The following CELF3 variants were observed in gnomAD, a reference collection of about 807,000 sequenced individuals.
The protein encoded by CELF3 is CUGBP Elav-like family member 3.
In CELF3, 26 loss-of-function variants were observed where a neutral mutation model predicts 59.6. The ratio of observed to expected loss-of-function variants is 0.44; its 90% confidence interval spans 0.32 to 0.61. The LOEUF (loss-of-function observed/expected upper bound fraction) is 0.61. CELF3 is among the 20% of genes least tolerant of loss of function. The probability of loss-of-function intolerance (pLI) is 0.06; values close to 1 mark genes in which losing one functional copy is unlikely to be tolerated. For synonymous variants in CELF3, 245 were observed against 250.7 expected, an observed-to-expected ratio of 0.98 and a Z score of 0.22; for missense variants, 387 against 627.2, an observed-to-expected ratio of 0.62 and a Z score of 4.09.
intron 2 of CELF3, among the ~76,000 whole-genome samples, chr1:151,713,917 A>C (rs966209277): frequency 3.9e-5 from 6 of 152,086 alleles, no homozygotes; most frequent in African/African-American, 1.4e-4. Flanking sequence ...GAGAGGGGCC[A>C]CCTCTGAGGC....
At position 151,709,888 on chromosome 1, in the gene CELF3, C is replaced by A. The variant is rs1672873690; in HGVS notation, c.229-97G>T. ...CTGCAGAGAGACTAGAGGGGCAAGCCCCAGGCCCTCTAAGTTTCTGATGGG... is the reference window on the plus strand; with the variant it reads ...CTGCAGAGAGACTAGAGGGGCAAGCACCAGGCCCTCTAAGTTTCTGATGGG... On this transcript the variant is annotated intron_variant, in intron 2 of 12. Coordinates refer to ENST00000290583, the MANE Select transcript of CELF3 (RefSeq NM_007185.7). The surrounding 1 kb of genome is among the most constrained non-coding windows in gnomAD (Gnocchi z 4.9). 8 of 1,157,664 alleles carry A rather than the reference C, an allele frequency of 6.9e-6. No homozygotes were observed. The highest frequency in any genetic ancestry group is 1.0e-5 in the Non-Finnish European group (8 of 764,342). The allele number at this position is 1,157,664 out of a possible 1,614,324, so 71.7% of individuals were successfully genotyped here.
Position 151,707,833 on chromosome 1 carries a change from T to G in CELF3, c.589A>C (p.Ile197Leu). 1 of 1,613,888 alleles carries G rather than the reference T, an allele frequency of 6.2e-7. No individual in the cohort carries two copies. The highest frequency in any genetic ancestry group is 8.5e-7 in the Non-Finnish European group (1 of 1,179,848). Reference protein sequence around the residue: ...VATQLGMFSPIALQFGAYSAY... With the variant: ...VATQLGMFSPLALQFGAYSAY... ...CTGTAGGCTCCAAACTGGAGGGCGA[T>G]GGGGCTGAACATGCCCAACTGGGTG... is the stretch of plus-strand genomic sequence containing the variant. The change falls in exon 6 of 13, where the codon ATC becomes CTC. Residue 197 changes from isoleucine (I) to leucine (L), a missense_variant. By Grantham distance (5) the Ile-to-Leu change is conservative. Around this residue, in one of 3 missense-constraint regions of CELF3, gnomAD observed 208 missense variants for 354.8 expected, o/e 0.59. Coordinates refer to ENST00000290583, the MANE Select transcript of CELF3 (RefSeq NM_007185.7).
chr1:151,704,952 T>G lies in CELF3; in HGVS notation c.*10+79A>C. On this transcript the variant is annotated intron_variant, in intron 12 of 12. Transcript: ENST00000290583. ...CCCTGAGGGTGGTGGAGGACAGGGG[T>G]TGGGGGTGTAGTCCAATCGAGGGCC... 8 of 1,442,254 alleles carry G rather than the reference T, an allele frequency of 5.5e-6. No homozygotes were observed. The South Asian group carries it at 5.6e-5, about 10-fold the overall frequency. The allele number at this position is 1,442,254 out of a possible 1,614,324, so 89.3% of individuals were successfully genotyped here.
At chr1:151,712,692 AG>A (rs2101474600) in intron 2 of CELF3, among the ~76,000 whole-genome samples, 1 of 152,348 alleles carries the variant, frequency 6.6e-6, no homozygotes, top group South Asian at 2.1e-4. Flanking sequence ...CTATAGGCCC[AG>A]CCCCCATTCT....
Position 151,706,690 on chromosome 1 carries a change from C to T in CELF3, c.967G>A (p.Ala323Thr), listed in dbSNP as rs1033271069. Residue 323 changes from alanine to threonine, a missense_variant, in exon 9 of 13, where the codon GCG becomes ACG. Transcript: ENST00000290583. ...TCACCTGTGTAGTGCTGCATCCCCG[C>T]GTAGGCCTGCTGCAGGGGGTCCACG... ...APVDPLQQAY[A>T]GMQHYTAAYP... 5.8e-6 allele frequency: 9 copies of T among 1,551,288 alleles called. No homozygotes were observed. Among genetic ancestry groups the T allele is most frequent in the South Asian group, 4.8e-5 (4 of 84,048 alleles).
At position 151,709,534 on chromosome 1, in the gene CELF3, C is replaced by A; in HGVS notation, c.278-186G>T. ...GGGTGCTCATCCCAGCTCTGAGGGA[C>A]TCGCACTCCACCCTGGGCCTCAGTT... On this transcript the variant is annotated intron_variant, in intron 3 of 12. Transcript: ENST00000290583. This position sits in a 1 kb window ranked among gnomAD's most constrained non-coding sequence, Gnocchi z 4.9. 1.1e-6 allele frequency: 1 copy of A among 946,262 alleles called. No homozygotes were observed. The highest frequency in any genetic ancestry group is 1.5e-5 in the South Asian group (1 of 65,554). The allele number at this position is 946,262 out of a possible 1,614,324, so 58.6% of individuals were successfully genotyped here.
intron 5 of CELF3, 63 bp downstream of exon 5, chr1:151,708,935 C>A: frequency 6.8e-7 from 1 of 1,479,852 alleles, no homozygotes; most frequent in Non-Finnish European, 9.4e-7. Flanking sequence ...CTTCTCTGGG[C>A]CAGGGCCTGG....
chr1:151,710,024 T>A, intron 2 of CELF3: 1 of 557,918 alleles, frequency 1.8e-6, no homozygotes, highest in Non-Finnish European at 3.2e-6. Flanking sequence ...CAGGCTCAGG[T>A]TGGGCTCCTG....
At position 151,703,444 on chromosome 1, in the gene CELF3, C is replaced by T; in HGVS notation, c.*15G>A. The T allele has an allele frequency of 2.8e-6, 1 of 353,360 alleles. No homozygotes were observed. 21.9% of individuals were successfully genotyped at this position (353,360 alleles called of 1,614,324 possible). A position where few individuals can be genotyped will look rare whatever the true frequency, so the allele number is the denominator to read the frequency against. On this transcript the variant is annotated 3_prime_UTR_variant, in exon 13 of 13. Coordinates refer to ENST00000290583, the MANE Select transcript of CELF3 (RefSeq NM_007185.7). ...GAGGCGCCCCTTCCTCTGGGATCTCCAGACCTGTGAAGGAAGAAACATGGG... is the reference window on the plus strand; with the variant it reads ...GAGGCGCCCCTTCCTCTGGGATCTCTAGACCTGTGAAGGAAGAAACATGGG...
At position 151,700,317 on chromosome 1, in the gene CELF3, A is replaced by C. The variant is rs1033147005; in HGVS notation, c.*3142T>G. On this transcript the variant is annotated 3_prime_UTR_variant, in exon 13 of 13. Transcript: ENST00000290583. Reference sequence around the variant, plus strand: ...GATTTTCATGAAGAAAGTAGTGTTTAAGGTGAACTGTTTTAGTGTGAGAAG... The same window carrying C: ...GATTTTCATGAAGAAAGTAGTGTTTCAGGTGAACTGTTTTAGTGTGAGAAG... Among the ~76,000 whole-genome samples, 1 of 152,220 alleles carries C rather than the reference A, an allele frequency of 6.6e-6. No homozygotes were observed. The highest frequency in any genetic ancestry group is 1.9e-4 in the East Asian group (1 of 5,206).
chr1:151,709,364 C>T lies in CELF3; in HGVS notation c.278-16G>A, dbSNP rs754582459. The T allele has an allele frequency of 1.2e-6, 2 of 1,613,922 alleles. No individual in the cohort carries two copies. The highest frequency in any genetic ancestry group is 4.5e-5 in the East Asian group (2 of 44,880). ...TTCCGGTCTTCTGGGTGGTAGGGCA[C>T]AGGAGGAGGGCATGTTCAGGGCCTC... On this transcript the variant is annotated splice_polypyrimidine_tract_variant and intron_variant, in intron 3 of 12. Transcript: ENST00000290583. This position sits in a 1 kb window ranked among gnomAD's most constrained non-coding sequence, Gnocchi z 4.9.
chr1:151,710,639 T>G, intron 2 of CELF3: 2 of 456,442 alleles, frequency 4.4e-6, no homozygotes, highest in Non-Finnish European at 8.8e-6. Flanking sequence ...AGCAAATCCT[T>G]GGTGCCTGGA....
intron 1 of CELF3, 32 bp from the exon 2 acceptor site, chr1:151,714,708 G>T (rs562162637): frequency 4.1e-6 from 6 of 1,447,822 alleles, no homozygotes; most frequent in East Asian, 2.5e-5. Flanking sequence ...GAAACACGGC[G>T]GGGGGTGAGT....
rs1423682624 is a variant in CELF3 at position 151,707,212 on chromosome 1, C to T, written c.855G>A (p.Val285=). 6.5e-7 allele frequency: 1 copy of T among 1,545,040 alleles called. No individual in the cohort carries two copies. The highest frequency in any genetic ancestry group is 1.2e-5 in the South Asian group (1 of 82,322). The change falls in exon 8 of 13, where the codon GTG becomes GTA. Residue 285 remains valine, a synonymous_variant. Transcript: ENST00000290583. ...AALGVNGYSP[V]PTQPTGQPAP... ...CAGGCTGCCCAGTGGGCTGGGTGGG[C>T]ACCGGGCTGTAGCCGTTGACGCCCA... is the stretch of plus-strand genomic sequence containing the variant.
chr1:151,710,937 A>C (rs962312557), intron 2 of CELF3: 2 of 421,096 alleles, frequency 4.7e-6, no homozygotes, highest in African/African-American at 4.0e-5. Context: ...TTTGCTCTTG[A>C]GGACTCTGAC....
rs1169035675 is a variant in CELF3 at position 151,701,822 on chromosome 1, G to T, written c.*1637C>A. Among the ~76,000 whole-genome samples the T allele has an allele frequency of 6.6e-6, 1 of 152,178 alleles. No individual in the cohort carries two copies. Among genetic ancestry groups the T allele is most frequent in the Admixed American group, 6.5e-5 (1 of 15,276 alleles). On this transcript the variant is annotated 3_prime_UTR_variant, in exon 13 of 13. Coordinates refer to ENST00000290583, the MANE Select transcript of CELF3 (RefSeq NM_007185.7). ...GCTTATAGTCCTAACTACTTGGGAG[G>T]CTGAGACAGGAGGATCCCCTGAACC...
Position 151,709,438 on chromosome 1 carries a change from A to T in CELF3, c.278-90T>A. On this transcript the variant is annotated intron_variant, in intron 3 of 12. Transcript: ENST00000290583. This position sits in a 1 kb window ranked among gnomAD's most constrained non-coding sequence, Gnocchi z 4.9. ...TCCGCCCTTCCCTGGAGCTCCTAACACTACTTCTGCTACCCTTAGGGTCCA... is the reference window on the plus strand; with the variant it reads ...TCCGCCCTTCCCTGGAGCTCCTAACTCTACTTCTGCTACCCTTAGGGTCCA... The T allele has an allele frequency of 6.4e-7, 1 of 1,555,480 alleles. No individual in the cohort carries two copies. The highest frequency in any genetic ancestry group is 1.1e-5 in the South Asian group (1 of 87,954).
intron 12 of CELF3, among the ~76,000 whole-genome samples, chr1:151,704,647 C>T (rs1672356844): frequency 6.6e-6 from 1 of 152,092 alleles, no homozygotes; most frequent in African/African-American, 2.4e-5. Context: ...CCCCTTAATC[C>T]TCCAGTCCTG....
At chr1:151,710,082 G>A in intron 2 of CELF3, 1 of 446,608 alleles carries the variant, frequency 2.2e-6, no homozygotes, top group Non-Finnish European at 4.1e-6. Flanking sequence ...GGAGAAGGGG[G>A]CCTGCACATA....
Sources: allele counts gnomAD v4.1 joint callset (sites outside exome capture counted in the v4.1 genomes callset), GRCh38; gene constraint gnomAD v4.1.1; regional missense constraint gnomAD v4.1.1; non-coding constraint Gnocchi (gnomAD v3.1); transcripts MANE v1.5; gene names NCBI Gene and HGNC (gene_info 2026-07-23, HGNC 2026-07-21).